The following PGBD2 variants were observed in gnomAD, a reference collection of about 807,000 sequenced individuals.
The protein encoded by PGBD2 is piggyBac transposable element derived 2.
A neutral mutation model predicts 8.1 loss-of-function variants in PGBD2; 6 were observed. The ratio of observed to expected loss-of-function variants is 0.74; its 90% confidence interval spans 0.40 to 1.46. PGBD2 has a LOEUF of 1.46. Among genes scored for constraint, PGBD2 ranks in the 40% most tolerant of loss-of-function variants. PGBD2 has a pLI of 0.02. For missense variants in PGBD2, 802 were observed against 739.0 expected, an observed-to-expected ratio of 1.09 and a Z score of -0.99; for synonymous variants, 318 against 272.2, an observed-to-expected ratio of 1.17 and a Z score of -1.66.
intron 1 of PGBD2, among the ~76,000 whole-genome samples, chr1:248,913,039 T>A (rs1436013993): frequency 6.6e-6 from 1 of 152,060 alleles, no homozygotes; most frequent in Non-Finnish European, 1.5e-5. Flanking sequence ...CGACCTCAGG[T>A]GATCTGCCCG....
chr1:248,900,982 C>A, the PGBD2 span, among the ~76,000 whole-genome samples: 2 of 152,048 alleles, frequency 1.3e-5, no homozygotes, highest in African/African-American at 4.8e-5. Flanking sequence ...GAATGAACTC[C>A]CATTCGCAAT....
At chr1:248,914,820 C>T (rs74157348) in intron 2 of PGBD2, among the ~76,000 whole-genome samples, 3,288 of 152,304 alleles carry the variant, frequency 0.022, 134 homozygotes, top group African/African-American at 0.075. Flanking sequence ...TGGCCAGGGC[C>T]TGTGGAGTCC....
upstream of PGBD2, among the ~76,000 whole-genome samples, chr1:248,905,849 G>T (rs1296205565): frequency 3.3e-5 from 5 of 152,114 alleles, no homozygotes; most frequent in Non-Finnish European, 7.4e-5. Flanking sequence ...CCGATTATTG[G>T]GCACACCCTC....
At chr1:248,889,087 T>TA in the PGBD2 span, among the ~76,000 whole-genome samples, 4 of 151,962 alleles carry the variant, frequency 2.6e-5, no homozygotes, top group African/African-American at 9.7e-5. Context: ...ATGATAAAAA[T>TA]AAAAAATGAA....
At chr1:248,874,239 A>G in the PGBD2 span, among the ~76,000 whole-genome samples, 24 of 152,184 alleles carry the variant, frequency 1.6e-4, no homozygotes, top group African/African-American at 4.6e-4. Context: ...TAAATGACGC[A>G]TCATGTCTTC....
intron 1 of PGBD2, among the ~76,000 whole-genome samples, chr1:248,907,942 A>G (rs976386908): frequency 6.6e-6 from 1 of 152,202 alleles, no homozygotes; most frequent in African/African-American, 2.4e-5. Context: ...GGGCATTTAC[A>G]TCTATAAAAT....
the PGBD2 span, among the ~76,000 whole-genome samples, chr1:248,877,490 A>T: frequency 2.6e-5 from 4 of 151,950 alleles, no homozygotes; most frequent in Admixed American, 2.6e-4. Flanking sequence ...TTCAGAATAA[A>T]GACCCAGCCT....
chr1:248,891,417 T>C, the PGBD2 span, among the ~76,000 whole-genome samples: 2 of 152,202 alleles, frequency 1.3e-5, no homozygotes, highest in African/African-American at 4.8e-5. Flanking sequence ...GTTATACTTT[T>C]TGGGTTTCAT....
intron 1 of PGBD2, among the ~76,000 whole-genome samples, chr1:248,909,792 C>T: frequency 6.6e-6 from 1 of 152,284 alleles, no homozygotes; most frequent in African/African-American, 2.4e-5. Context: ...GCAAAGCAGT[C>T]AGGCCAGAGT....
downstream of PGBD2, among the ~76,000 whole-genome samples, chr1:248,924,648 A>T (rs1453611654): frequency 6.6e-6 from 1 of 152,258 alleles, no homozygotes; most frequent in Admixed American, 6.5e-5. Flanking sequence ...TTATTCATTC[A>T]ATTAAGTTAA....
the PGBD2 span, among the ~76,000 whole-genome samples, chr1:248,876,330 C>T: frequency 0.039 from 5,870 of 152,142 alleles, 375 homozygotes; most frequent in African/African-American, 0.13. Context: ...TTATCAAAAA[C>T]ATTTTGACTG....
downstream of PGBD2, among the ~76,000 whole-genome samples, chr1:248,923,767 G>A (rs745905432): frequency 6.6e-6 from 1 of 152,130 alleles, no homozygotes; most frequent in Non-Finnish European, 1.5e-5. Context: ...TTTGCATAGG[G>A]CACGGATGGA....
At chr1:248,874,727 A>T in the PGBD2 span, among the ~76,000 whole-genome samples, 2 of 152,142 alleles carry the variant, frequency 1.3e-5, no homozygotes, top group African/African-American at 4.8e-5. Flanking sequence ...ATGGAAAGAG[A>T]TCAGGTACTT....
chr1:248,896,929 C>G, the PGBD2 span, among the ~76,000 whole-genome samples: 546 of 152,262 alleles, frequency 3.6e-3, 8 homozygotes, highest in African/African-American at 0.013. Flanking sequence ...ATCTTTGCAA[C>G]CCATAGATCA....
chr1:248,879,167 T>C, the PGBD2 span, among the ~76,000 whole-genome samples: 1 of 152,208 alleles, frequency 6.6e-6, no homozygotes, highest in Non-Finnish European at 1.5e-5. Flanking sequence ...ACAGCGCCTG[T>C]TTAATTTTAA....
the PGBD2 span, among the ~76,000 whole-genome samples, chr1:248,927,958 C>A: frequency 6.6e-6 from 1 of 152,166 alleles, no homozygotes; most frequent in Non-Finnish European, 1.5e-5. Context: ...CTGGGAAACT[C>A]ACAGTTGCAA....
chr1:248,873,003 C>T, the PGBD2 span, among the ~76,000 whole-genome samples: 445 of 151,942 alleles, frequency 2.9e-3, 6 homozygotes, highest in South Asian at 0.018. Flanking sequence ...TTGGTTTTTC[C>T]TCACACTCTG....
the PGBD2 span, among the ~76,000 whole-genome samples, chr1:248,874,163 A>G: frequency 6.6e-6 from 1 of 152,154 alleles, no homozygotes; most frequent in Non-Finnish European, 1.5e-5. Flanking sequence ...GTTGCGAGAA[A>G]ACCGCATCCA....
At chr1:248,895,790 C>T in the PGBD2 span, among the ~76,000 whole-genome samples, 7 of 151,914 alleles carry the variant, frequency 4.6e-5, no homozygotes, top group African/African-American at 1.5e-4. Flanking sequence ...CAGGTTCAAG[C>T]GATTCTCTTG....
Sources: gnomAD v4.1 joint callset for allele counts (sites outside exome capture counted in the v4.1 genomes callset) on GRCh38, gnomAD v4.1.1 for gene constraint, MANE v1.5 for transcripts, NCBI Gene and HGNC (gene_info 2026-07-23, HGNC 2026-07-21) for gene names.